The following AP1B1 variants were observed in gnomAD, a reference collection of about 807,000 sequenced individuals.
AP1B1 encodes adaptor related protein complex 1 subunit beta 1, also known as AP-1 complex subunit beta-1.
Under a neutral mutation model 104.3 loss-of-function variants are expected in AP1B1, and 36 were observed. The ratio of observed to expected loss-of-function variants is 0.35; its 90% CI spans 0.26 to 0.46. The LOEUF (loss-of-function observed/expected upper bound fraction) is 0.46. Ranked by LOEUF, AP1B1 falls within the 20% of genes least tolerant of loss-of-function variation. The pLI, the probability that AP1B1 is intolerant of heterozygous loss-of-function variation, is 1.00. For synonymous variants in AP1B1, 504 were observed against 517.5 expected (o/e 0.97, Z 0.35); for missense variants, 901 against 1,247.9 (o/e 0.72, Z 4.19).
intron 22 of AP1B1, chr22:29,329,461 G>C (rs146024137): frequency 1.5e-6 from 2 of 1,373,942 alleles, no homozygotes; most frequent in Admixed American, 3.3e-5. Flanking sequence ...GTTAGGAAGT[G>C]GGAACAATGG....
chr22:29,342,702 G>A (rs1283708757), intron 11 of AP1B1, among the ~76,000 whole-genome samples: 1 of 152,226 alleles, frequency 6.6e-6, no homozygotes, highest in Non-Finnish European at 1.5e-5. Flanking sequence ...AGAACTATGA[G>A]AAGCTCACAT....
intron 8 of AP1B1, 101 bp downstream of exon 8, chr22:29,351,604 C>G: frequency 6.8e-7 from 1 of 1,472,062 alleles, no homozygotes; most frequent in Non-Finnish European, 9.2e-7. Flanking sequence ...TGAGATAAAC[C>G]GTTAATGGTG....
Position 29,342,389 on chromosome 22 carries a change from G to A in AP1B1, c.1438-6C>T. ...GTCAGCAGCTGCAGCTGGACCTGCA[G>A]GGAACAGCGGTGACGAGGAGGAAGT... On this transcript the variant is annotated splice_region_variant and splice_polypyrimidine_tract_variant and intron_variant, in intron 11 of 22. Transcript: ENST00000357586. 6.2e-7 allele frequency: 1 copy of A among 1,612,224 alleles called. No homozygotes were observed. Among genetic ancestry groups the A allele is most frequent in the Non-Finnish European group, 8.5e-7 (1 of 1,178,464 alleles).
chr22:29,342,413 G>A (rs763503757), intron 11 of AP1B1, 30 bp from the exon 12 acceptor site: 3 of 1,581,088 alleles, frequency 1.9e-6, no homozygotes, highest in Middle Eastern at 1.7e-4. Flanking sequence ...CGAGGAGGAA[G>A]TGTGGGCCTC....
At chr22:29,345,000 T>C (rs527561217) in intron 11 of AP1B1, among the ~76,000 whole-genome samples, 3 of 152,156 alleles carry the variant, frequency 2.0e-5, no homozygotes, top group Non-Finnish European at 4.4e-5. Context: ...GGGCAAAACA[T>C]AGTGAGATTT....
At chr22:29,355,907 T>C (rs966183091) in intron 6 of AP1B1, among the ~76,000 whole-genome samples, 3 of 150,842 alleles carry the variant, frequency 2.0e-5, no homozygotes, top group African/African-American at 4.9e-5. Context: ...TAGTACATAC[T>C]GTATAGATGG....
chr22:29,337,797 C>A (rs979075957), intron 16 of AP1B1, among the ~76,000 whole-genome samples: 3 of 152,236 alleles, frequency 2.0e-5, no homozygotes, highest in African/African-American at 7.2e-5. Context: ...TGTTTCCACC[C>A]ACAAGAGCCC....
At position 29,329,107 on chromosome 22, in the gene AP1B1, C is replaced by T. The variant is rs918812930; in HGVS notation, c.2776-212G>A. ...GGACCAAATATACTTGCAGCCCACA[C>T]ACCTGCTGTCAGCCCAGTCACCAGA... On this transcript the variant is annotated intron_variant, in intron 22 of 22. Coordinates refer to ENST00000357586, the MANE Select transcript of AP1B1 (RefSeq NM_001127.4). The T allele has an allele frequency of 3.6e-6, 5 of 1,371,940 alleles. 1 individual carries two copies. In the Admixed American group the frequency reaches 1.5e-4, roughly 41 times the overall value. 85.0% of individuals were successfully genotyped at this position (1,371,940 alleles called of 1,614,324 possible).
At chr22:29,351,479 A>G (rs2061873724) in intron 8 of AP1B1, 1 of 832,664 alleles carries the variant, frequency 1.2e-6, no homozygotes, top group Middle Eastern at 2.3e-4. Flanking sequence ...AACATATCCA[A>G]CACCACGTTG....
chr22:29,380,104 T>C (rs1221885024), intron 1 of AP1B1, among the ~76,000 whole-genome samples: 1 of 152,174 alleles, frequency 6.6e-6, no homozygotes, highest in Non-Finnish European at 1.5e-5. Context: ...GAAGACACAA[T>C]GGTCATGTCA....
intron 1 of AP1B1, among the ~76,000 whole-genome samples, chr22:29,382,021 CA>C (rs887119690): frequency 2.7e-4 from 40 of 146,876 alleles, no homozygotes; most frequent in African/African-American, 5.7e-4. Flanking sequence ...AAAAAAGAAA[CA>C]AAAAAAAAAT....
chr22:29,339,370 G>A (rs531047222), intron 15 of AP1B1, among the ~76,000 whole-genome samples: 83 of 152,274 alleles, frequency 5.5e-4, no homozygotes, highest in African/African-American at 1.9e-3. Context: ...GAAAGGGCTG[G>A]GGACACTCCC....
chr22:29,372,798 A>T (rs1281469964), intron 1 of AP1B1, among the ~76,000 whole-genome samples: 1 of 152,216 alleles, frequency 6.6e-6, no homozygotes, highest in African/African-American at 2.4e-5. Flanking sequence ...TAATAAAATG[A>T]ATTTATATCT....
intron 1 of AP1B1, among the ~76,000 whole-genome samples, chr22:29,382,306 C>G (rs960689006): frequency 1.6e-4 from 24 of 152,150 alleles, no homozygotes; most frequent in Non-Finnish European, 1.5e-5. Flanking sequence ...CTCAGCCTCC[C>G]AAGTAGCTGG....
At position 29,355,041 on chromosome 22, in the gene AP1B1, G is replaced by C. The variant is rs6006103; in HGVS notation, c.717-170C>G. On this transcript the variant is annotated intron_variant, in intron 6 of 22. Transcript: ENST00000357586. ...ACTTGAGGTCAGGAGTTTGAGACAA[G>C]CCTGGCCAACATGGTAAAACTTTGT... 0.3 allele frequency among the ~76,000 whole-genome samples: 46,194 copies of C among 151,898 alleles called. 7,551 individuals carry two copies. Among genetic ancestry groups the C allele is most frequent in the East Asian group, 0.66 (3,417 of 5,146 alleles).
chr22:29,361,941 C>G (rs1397474451), intron 3 of AP1B1, among the ~76,000 whole-genome samples: 1 of 152,038 alleles, frequency 6.6e-6, no homozygotes, highest in Non-Finnish European at 1.5e-5. Flanking sequence ...TTACAGGTGC[C>G]CACCACCACG....
At chr22:29,356,222 T>C (rs1177150592) in intron 6 of AP1B1, among the ~76,000 whole-genome samples, 1 of 152,194 alleles carries the variant, frequency 6.6e-6, no homozygotes, top group African/African-American at 2.4e-5. Context: ...CGTATGCCCA[T>C]AGCTGCCCAA....
intron 12 of AP1B1, 130 bp downstream of exon 12, chr22:29,342,155 G>A (rs1602709777): frequency 1.3e-6 from 1 of 752,070 alleles, no homozygotes; most frequent in Non-Finnish European, 2.1e-6. Context: ...TCTGGGGCTG[G>A]AAGCCAGTCC....
At chr22:29,337,048 C>T (rs1289001669) in intron 16 of AP1B1, among the ~76,000 whole-genome samples, 1 of 152,214 alleles carries the variant, frequency 6.6e-6, no homozygotes, top group Non-Finnish European at 1.5e-5. Context: ...AAGTCAACTG[C>T]ACATGCTGTA....
Sources: gnomAD v4.1 joint callset for allele counts (sites outside exome capture counted in the v4.1 genomes callset) on GRCh38, gnomAD v4.1.1 for gene constraint, MANE v1.5 for transcripts, NCBI Gene and HGNC (gene_info 2026-07-23, HGNC 2026-07-21) for gene names.